The following LRRC37A2 variants were observed in gnomAD, a reference collection of about 807,000 sequenced individuals.
LRRC37A2 encodes the protein leucine rich repeat containing 37 member A2, also known as leucine-rich repeat-containing protein 37A2.
Under a neutral mutation model 68.8 loss-of-function variants are expected in LRRC37A2, and 9 were observed. That is an observed-to-expected ratio of 0.13 (90% CI 0.08 to 0.23). The LOEUF (loss-of-function observed/expected upper bound fraction) is 0.23. Among genes scored for constraint, LRRC37A2 ranks in the 10% least tolerant of loss-of-function variants. The probability of loss-of-function intolerance (pLI) is 1.00; values close to 1 mark genes in which losing one functional copy is unlikely to be tolerated. For missense variants in LRRC37A2, 168 were observed against 950.4 expected, an observed-to-expected ratio of 0.18 and a Z score of 10.82; for synonymous variants, 63 against 367.6, an observed-to-expected ratio of 0.17 and a Z score of 9.48.
the LRRC37A2 span, among the ~76,000 whole-genome samples, chr17:46,972,046 A>G: frequency 6.6e-6 from 1 of 151,972 alleles, no homozygotes; most frequent in African/African-American, 2.4e-5. Context: ...AAGACAGGGA[A>G]CTGTCTCAAC....
intron 8 of LRRC37A2, among the ~76,000 whole-genome samples, chr17:46,545,580 A>G (rs1185554891): frequency 2.3e-5 from 3 of 128,762 alleles, no homozygotes; most frequent in Admixed American, 2.3e-4. Context: ...TGTCTGAATG[A>G]ATTTGTATTA....
chr17:46,813,783 A>G, the LRRC37A2 span, among the ~76,000 whole-genome samples: 1 of 152,258 alleles, frequency 6.6e-6, no homozygotes, highest in East Asian at 1.9e-4. Context: ...ACTTCTTCCA[A>G]TTCTACATCT....
the LRRC37A2 span, among the ~76,000 whole-genome samples, chr17:46,796,991 C>T: frequency 2.6e-5 from 4 of 152,110 alleles, no homozygotes; most frequent in South Asian, 6.2e-4. Context: ...AGAATCTTCT[C>T]GATCCCATTT....
At chr17:46,844,733 A>C in the LRRC37A2 span, among the ~76,000 whole-genome samples, 1 of 152,184 alleles carries the variant, frequency 6.6e-6, no homozygotes. Flanking sequence ...AATCTATAGG[A>C]TGTTATTTAT....
the LRRC37A2 span, among the ~76,000 whole-genome samples, chr17:46,861,104 G>T: frequency 6.6e-6 from 1 of 152,188 alleles, no homozygotes; most frequent in Non-Finnish European, 1.5e-5. Context: ...GCCATATGTT[G>T]GCAGTGGAAC....
At chr17:46,943,070 G>C in the LRRC37A2 span, among the ~76,000 whole-genome samples, 2 of 152,194 alleles carry the variant, frequency 1.3e-5, no homozygotes, top group African/African-American at 2.4e-5. Flanking sequence ...GGGGCATTGG[G>C]AGTTGCCCAA....
At chr17:46,940,044 A>G in the LRRC37A2 span, 1 of 1,064,904 alleles carries the variant, frequency 9.4e-7, no homozygotes, top group African/African-American at 1.7e-5. Flanking sequence ...GTCCTGCCCT[A>G]CCTGCTCTGT....
At chr17:47,028,649 C>T in the LRRC37A2 span, among the ~76,000 whole-genome samples, 2 of 152,080 alleles carry the variant, frequency 1.3e-5, no homozygotes, top group African/African-American at 4.8e-5. Context: ...TGGCTCAGAC[C>T]TGTAATCCCA....
At chr17:47,005,996 A>C in the LRRC37A2 span, among the ~76,000 whole-genome samples, 4 of 152,210 alleles carry the variant, frequency 2.6e-5, no homozygotes, top group Non-Finnish European at 5.9e-5. Flanking sequence ...CTCTGTTGCA[A>C]ACCCTGTCTC....
downstream of LRRC37A2, among the ~76,000 whole-genome samples, chr17:46,558,267 T>C (rs1332938001): frequency 4.6e-4 from 49 of 107,190 alleles, no homozygotes; most frequent in Non-Finnish European, 7.7e-4. Flanking sequence ...ACCATGTTGG[T>C]CAGGCTGGTC....
At chr17:46,793,478 G>A in the LRRC37A2 span, among the ~76,000 whole-genome samples, 1 of 151,906 alleles carries the variant, frequency 6.6e-6, no homozygotes, top group African/African-American at 2.4e-5. Context: ...TTCGAATGTT[G>A]GTGCAGATCT....
At chr17:46,847,017 T>C in the LRRC37A2 span, among the ~76,000 whole-genome samples, 1 of 152,264 alleles carries the variant, frequency 6.6e-6, no homozygotes, top group Non-Finnish European at 1.5e-5. Flanking sequence ...GATGTATTGT[T>C]ATGTATTTTT....
chr17:46,851,988 G>T, the LRRC37A2 span, among the ~76,000 whole-genome samples: 1 of 152,128 alleles, frequency 6.6e-6, no homozygotes, highest in African/African-American at 2.4e-5. This position sits in a 1 kb window ranked among gnomAD's most constrained non-coding sequence, Gnocchi z 4.3. Context: ...GCCGGGTCTC[G>T]GACTCTGCGC....
chr17:46,749,017 C>A, the LRRC37A2 span, among the ~76,000 whole-genome samples: 6 of 151,934 alleles, frequency 3.9e-5, no homozygotes, highest in Admixed American at 3.3e-4. Flanking sequence ...GGGGGTAGTG[C>A]AAAATTAATA....
At chr17:46,990,265 C>T in the LRRC37A2 span, among the ~76,000 whole-genome samples, 1 of 152,218 alleles carries the variant, frequency 6.6e-6, no homozygotes, top group African/African-American at 2.4e-5. Context: ...CTGGACGCTC[C>T]TGTAGTCTGG....
chr17:46,938,909 C>T, the LRRC37A2 span: 80 of 1,526,400 alleles, frequency 5.2e-5, 2 homozygotes, highest in South Asian at 8.5e-4. Context: ...GTCTAATTTC[C>T]AACCTGCTCT....
chr17:46,898,924 G>A, the LRRC37A2 span, among the ~76,000 whole-genome samples: 1 of 152,120 alleles, frequency 6.6e-6, no homozygotes, highest in Non-Finnish European at 1.5e-5. Context: ...ATTTACCCAA[G>A]GGAATTCAAA....
the LRRC37A2 span, among the ~76,000 whole-genome samples, chr17:47,048,207 C>T: frequency 1.3e-5 from 2 of 150,668 alleles, no homozygotes; most frequent in Non-Finnish European, 3.0e-5. Context: ...CTGGGTTCTC[C>T]CCAAGCCCAT....
At chr17:46,954,345 T>C in the LRRC37A2 span, among the ~76,000 whole-genome samples, 7 of 152,374 alleles carry the variant, frequency 4.6e-5, no homozygotes, top group East Asian at 1.3e-3. Flanking sequence ...CAGATAGTAG[T>C]AGATAAGCGG....
Sources: allele counts gnomAD v4.1 joint callset (sites outside exome capture counted in the v4.1 genomes callset), GRCh38; gene constraint gnomAD v4.1.1; non-coding constraint Gnocchi (gnomAD v3.1); transcripts MANE v1.5; gene names NCBI Gene and HGNC (gene_info 2026-07-23, HGNC 2026-07-21).